The following TENM2 variants were observed in gnomAD, a reference collection of about 807,000 sequenced individuals.
TENM2 encodes the protein teneurin-2.
In TENM2, 52 loss-of-function variants were observed where a neutral mutation model predicts 245.2. The observed-to-expected ratio is 0.21, with a 90% CI of 0.17 to 0.27. The LOEUF (loss-of-function observed/expected upper bound fraction) is 0.27. Among genes scored for constraint, TENM2 ranks in the 10% least tolerant of loss-of-function variants. The probability of loss-of-function intolerance (pLI) is 1.00; values close to 1 mark genes in which losing one functional copy is unlikely to be tolerated. For synonymous variants in TENM2, 1,363 were observed against 1,438.9 expected (o/e 0.95, Z 1.19); for missense variants, 3,046 against 3,666.8 (o/e 0.83, Z 4.37).
chr5:168,106,798 C>A (rs145908319), intron 9 of TENM2, among the ~76,000 whole-genome samples: 1 of 152,298 alleles, frequency 6.6e-6, no homozygotes, highest in East Asian at 1.9e-4. Context: ...CAGTGGCTCA[C>A]GCCTGTAATC....
intron 10 of TENM2, among the ~76,000 whole-genome samples, chr5:168,121,182 A>G (rs139018089): frequency 2.6e-5 from 4 of 152,310 alleles, no homozygotes; most frequent in African/African-American, 9.6e-5. Flanking sequence ...TCAAACCTAC[A>G]GAGGGCCCAA....
At chr5:167,021,783 C>T in the TENM2 span, among the ~76,000 whole-genome samples, 1 of 152,152 alleles carries the variant, frequency 6.6e-6, no homozygotes, top group Non-Finnish European at 1.5e-5. Flanking sequence ...GGAGCCAGAA[C>T]ATCTGGGTTA....
the TENM2 span, among the ~76,000 whole-genome samples, chr5:167,221,348 A>G: frequency 2.0e-5 from 3 of 152,214 alleles, no homozygotes; most frequent in Admixed American, 6.5e-5. Flanking sequence ...GAGTTTGGAT[A>G]CTGAAGTGAC....
intron 21 of TENM2, 111 bp downstream of exon 23, chr5:168,215,383 C>A: frequency 1.2e-6 from 1 of 828,186 alleles, no homozygotes; most frequent in Non-Finnish European, 2.0e-6. Flanking sequence ...ACAGCTTTCC[C>A]TGTAATCATT....
intron 2 of TENM2, among the ~76,000 whole-genome samples, chr5:167,751,841 G>A (rs1159056878): frequency 6.6e-6 from 1 of 151,904 alleles, no homozygotes; most frequent in Non-Finnish European, 1.5e-5. Flanking sequence ...TTTTAGACTG[G>A]AGTAAGTGAA....
intron 2 of TENM2, among the ~76,000 whole-genome samples, chr5:167,599,816 G>A (rs1476064968): frequency 6.6e-6 from 1 of 152,034 alleles, no homozygotes; most frequent in Admixed American, 6.6e-5. Context: ...ATGACTTGTG[G>A]AGTATAAAAG....
chr5:168,064,989 G>C (rs1049668264), intron 7 of TENM2, among the ~76,000 whole-genome samples: 1 of 152,184 alleles, frequency 6.6e-6, no homozygotes, highest in African/African-American at 2.4e-5. Context: ...TCTTTGCGGG[G>C]ATAGGCGACT....
At chr5:167,380,483 C>T (rs1272979801) in intron 2 of TENM2, among the ~76,000 whole-genome samples, 10 of 152,138 alleles carry the variant, frequency 6.6e-5, no homozygotes, top group Non-Finnish European at 1.3e-4. Context: ...TGCCTTATTT[C>T]AGTACTGCAC....
At chr5:167,079,711 G>T in the TENM2 span, among the ~76,000 whole-genome samples, 1 of 152,128 alleles carries the variant, frequency 6.6e-6, no homozygotes, top group Non-Finnish European at 1.5e-5. Context: ...TTTGAAGTGC[G>T]TTTATAAAGT....
chr5:167,059,960 C>A, the TENM2 span, among the ~76,000 whole-genome samples: 4 of 152,036 alleles, frequency 2.6e-5, no homozygotes, highest in East Asian at 7.7e-4. Context: ...GTCTCAGCCT[C>A]CCAAAGTGCT....
chr5:167,013,199 A>G, the TENM2 span, among the ~76,000 whole-genome samples: 2 of 151,970 alleles, frequency 1.3e-5, no homozygotes, highest in African/African-American at 4.8e-5. Context: ...AAAAAACTTA[A>G]CTCCCACATT....
chr5:167,286,802 C>A (rs760167245), intron 1 of TENM2, among the ~76,000 whole-genome samples: 2 of 152,158 alleles, frequency 1.3e-5, no homozygotes, highest in African/African-American at 2.4e-5. Flanking sequence ...GTAGATAGGC[C>A]TGTCACCTTT....
intron 2 of TENM2, among the ~76,000 whole-genome samples, chr5:167,706,988 C>G (rs1001860014): frequency 7.0e-6 from 1 of 143,090 alleles, no homozygotes; most frequent in Non-Finnish European, 1.5e-5. Context: ...GCACTCCATC[C>G]TGGGCGACAG....
intron 2 of TENM2, among the ~76,000 whole-genome samples, chr5:167,379,474 TCTC>T (rs1760962978): frequency 6.6e-6 from 1 of 152,176 alleles, no homozygotes; most frequent in African/African-American, 2.4e-5. Context: ...CTTAAATTTT[TCTC>T]CTTTCTCTCC....
At chr5:167,400,065 A>G (rs1467154915) in intron 2 of TENM2, among the ~76,000 whole-genome samples, 1 of 152,198 alleles carries the variant, frequency 6.6e-6, no homozygotes, top group Non-Finnish European at 1.5e-5. Context: ...ATAGCAAAGT[A>G]TTTTGACTTT....
the TENM2 span, among the ~76,000 whole-genome samples, chr5:167,043,912 C>T: frequency 1.3e-5 from 2 of 151,888 alleles, no homozygotes; most frequent in Admixed American, 6.6e-5. Flanking sequence ...CCCAGCTACT[C>T]GGGAGGCTGA....
intron 4 of TENM2, among the ~76,000 whole-genome samples, chr5:167,981,168 C>T (rs1782809017): frequency 6.6e-6 from 1 of 152,226 alleles, no homozygotes; most frequent in South Asian, 2.1e-4. Context: ...CATGGAATCG[C>T]CATAGGCCCC....
At chr5:167,326,476 C>T (rs1159928837) in intron 1 of TENM2, among the ~76,000 whole-genome samples, 3 of 151,790 alleles carry the variant, frequency 2.0e-5, no homozygotes, top group African/African-American at 7.3e-5. Context: ...AGAGCGAGAC[C>T]ATCCTGGCCA....
chr5:167,919,843 A>T (rs986053707), intron 3 of TENM2, among the ~76,000 whole-genome samples: 2 of 152,218 alleles, frequency 1.3e-5, no homozygotes, highest in African/African-American at 2.4e-5. Context: ...CGGGATCACA[A>T]CTATTATGAC....
Sources: gnomAD v4.1 joint callset for allele counts (sites outside exome capture counted in the v4.1 genomes callset) on GRCh38, gnomAD v4.1.1 for gene constraint, MANE v1.5 for transcripts, NCBI Gene and HGNC (gene_info 2026-07-23, HGNC 2026-07-21) for gene names.